KCTD10: variants seen among roughly 807,000 people sequenced by gnomAD.
KCTD10 encodes potassium channel tetramerization domain containing 10, also known as BTB/POZ domain-containing adapter for CUL3-mediated RhoA degradation protein 3.
Under a neutral mutation model 34.6 loss-of-function variants are expected in KCTD10, and 13 were observed. The observed-to-expected ratio is 0.38, with a 90% CI of 0.24 to 0.60. The LOEUF is 0.60. Among genes scored for constraint, KCTD10 ranks in the 20% least tolerant of loss-of-function variants. The probability of loss-of-function intolerance (pLI) is 0.66; values close to 1 mark genes in which losing one functional copy is unlikely to be tolerated. For synonymous variants in KCTD10, 156 were observed against 168.8 expected, an observed-to-expected ratio of 0.92 and a Z score of 0.59; for missense variants, 256 against 420.3, an observed-to-expected ratio of 0.61 and a Z score of 3.42.
intron 1 of KCTD10, chr12:109,470,108 T>C: frequency 9.5e-7 from 1 of 1,052,152 alleles, no homozygotes; most frequent in Non-Finnish European, 1.1e-6. Flanking sequence ...CCTTTCTGCC[T>C]AGCACCTGTA....
rs1873089735 is a variant in KCTD10 at position 109,457,617 on chromosome 12, G to A, written c.527+13C>T. On this transcript the variant is annotated intron_variant, in intron 5 of 6. Coordinates refer to ENST00000228495, the MANE Select transcript of KCTD10 (RefSeq NM_031954.5). Reference sequence around the variant, plus strand: ...CTAGTAAATGGAGCTGTCTTTCCCGGCTGACGCCTTACCTGGTATATGAGT... The same window carrying A: ...CTAGTAAATGGAGCTGTCTTTCCCGACTGACGCCTTACCTGGTATATGAGT... 6.2e-7 allele frequency: 1 copy of A among 1,613,266 alleles called. No individual in the cohort carries two copies. Among genetic ancestry groups the A allele is most frequent in the Non-Finnish European group, 8.5e-7 (1 of 1,179,276 alleles).
At position 109,460,165 on chromosome 12, in the gene KCTD10, G is replaced by A. The variant is rs1873240756; in HGVS notation, c.387+471C>T. On this transcript the variant is annotated intron_variant, in intron 3 of 6. Transcript: ENST00000228495. The surrounding 1 kb of genome is among the most constrained non-coding windows in gnomAD (Gnocchi z 4.5). ...GTTGCAACTTTGTTTGAAATAAAGG[G>A]GTGTTGGCCATGTCTAGAAGCATTT... 6.6e-6 allele frequency among the ~76,000 whole-genome samples: 1 copy of A among 152,202 alleles called. No homozygotes were observed. The highest frequency in any genetic ancestry group is 1.5e-5 in the Non-Finnish European group (1 of 68,032).
chr12:109,455,136 G>C (rs1872954429), intron 6 of KCTD10, among the ~76,000 whole-genome samples: 1 of 152,114 alleles, frequency 6.6e-6, no homozygotes, highest in Admixed American at 6.5e-5. Context: ...CTGCCCCCGG[G>C]ATCTTTGAAA....
chr12:109,452,469 A>G (rs1227781416), intron 6 of KCTD10, among the ~76,000 whole-genome samples: 3 of 152,254 alleles, frequency 2.0e-5, no homozygotes, highest in African/African-American at 7.2e-5. Context: ...ATGAACAGGA[A>G]GAGGGCCACA....
chr12:109,471,520 T>C, intron 1 of KCTD10: 1 of 591,448 alleles, frequency 1.7e-6, no homozygotes, highest in Non-Finnish European at 2.1e-6. Flanking sequence ...TGCTGCCCGA[T>C]GCCAAACACA....
intron 1 of KCTD10, among the ~76,000 whole-genome samples, chr12:109,474,120 G>T (rs1180913698): frequency 6.6e-6 from 1 of 151,946 alleles, no homozygotes; most frequent in African/African-American, 2.4e-5. Context: ...TCTCCACATT[G>T]GTCAGGCTGG....
chr12:109,453,280 A>G (rs1016498191), intron 6 of KCTD10, among the ~76,000 whole-genome samples: 1 of 150,850 alleles, frequency 6.6e-6, no homozygotes, highest in Non-Finnish European at 1.5e-5. Flanking sequence ...GTCTTGAACT[A>G]CTGGGCTTAA....
At chr12:109,455,971 A>G in intron 6 of KCTD10, 147 bp downstream of exon 6, 1 of 819,092 alleles carries the variant, frequency 1.2e-6, no homozygotes, top group Non-Finnish European at 1.9e-6. Context: ...GCAGGGCCTA[A>G]AAGATAAATA....
rs529309891 is a variant in KCTD10 at position 109,455,741 on chromosome 12, G to C, written c.723+377C>G. On this transcript the variant is annotated intron_variant, in intron 6 of 6. Transcript: ENST00000228495. ...AAAGGGCAGGCAAATTCAATTAAGG[G>C]GGGGCCAGATCTCTAGCAGCACTAT... 5.3e-4 allele frequency among the ~76,000 whole-genome samples: 81 copies of C among 152,306 alleles called. 1 individual carries two copies. In the South Asian group the frequency reaches 0.013, roughly 25 times the overall value.
rs760812460 is a variant in KCTD10, at chr12:109,451,860, T to G, written c.724-47A>C. 8 of 1,520,820 alleles carry G rather than the reference T, an allele frequency of 5.3e-6. No individual in the cohort carries two copies. The South Asian group carries it at 1.0e-4, about 19-fold the overall frequency. 94.2% of individuals were successfully genotyped at this position (1,520,820 alleles called of 1,614,324 possible). ...GGCAGGTAAGTTATGGCCCACCCCC[T>G]CTGCCAACACCTGGACTTTAAGCAG... On this transcript the variant is annotated intron_variant, in intron 6 of 6. Coordinates refer to ENST00000228495, the MANE Select transcript of KCTD10 (RefSeq NM_031954.5). The surrounding 1 kb of genome is among the most constrained non-coding windows in gnomAD (Gnocchi z 5.0).
intron 4 of KCTD10, 67 bp downstream of exon 4, chr12:109,457,925 G>T (rs1186798968): frequency 3.0e-6 from 4 of 1,344,092 alleles, no homozygotes; most frequent in Non-Finnish European, 4.3e-6. Context: ...TATTTCAAAA[G>T]TTATTCAGAA....
At chr12:109,471,374 G>T (rs968342467) in intron 1 of KCTD10, 11 of 985,416 alleles carry the variant, frequency 1.1e-5, no homozygotes, top group Non-Finnish European at 1.1e-5. Flanking sequence ...GCCATGTCAG[G>T]GCCCTGCAGA....
intron 1 of KCTD10, among the ~76,000 whole-genome samples, chr12:109,472,184 TA>T (rs1447046861): frequency 6.6e-6 from 1 of 152,220 alleles, no homozygotes; most frequent in Non-Finnish European, 1.5e-5. Context: ...AATTTTTTTT[TA>T]ACTTTTGGAC....
At chr12:109,470,261 T>C in intron 1 of KCTD10, 1 of 985,808 alleles carries the variant, frequency 1.0e-6, no homozygotes, top group Non-Finnish European at 1.2e-6. Flanking sequence ...CTTTATGAAG[T>C]TGAATGGGAT....
chr12:109,468,347 A>G (rs1459587085), intron 2 of KCTD10, among the ~76,000 whole-genome samples: 7 of 152,228 alleles, frequency 4.6e-5, no homozygotes, highest in Non-Finnish European at 7.4e-5. Flanking sequence ...AGGTCCCCCA[A>G]TCCCACCCGC....
At position 109,477,259 on chromosome 12, in the gene KCTD10, C is replaced by T. The variant is rs748196238; in HGVS notation, c.3+1G>A. The T allele has an allele frequency of 2.5e-6, 4 of 1,613,848 alleles. No homozygotes were observed. The highest frequency in any genetic ancestry group is 2.5e-6 in the Non-Finnish European group (3 of 1,179,944). Reference sequence around the variant, plus strand: ...TAGTCCATGGGCACCGCCCTCCCTACCATGAAAAGTCGGAGGACGCAGGAG... The same window carrying T: ...TAGTCCATGGGCACCGCCCTCCCTATCATGAAAAGTCGGAGGACGCAGGAG... On this transcript the variant is annotated splice_donor_variant, in intron 1 of 6. Transcript: ENST00000228495. LOFTEE classifies it high-confidence loss of function.
At chr12:109,458,140 G>C in intron 3 of KCTD10, 62 bp from the exon 4 acceptor site, 1 of 1,352,012 alleles carries the variant, frequency 7.4e-7, no homozygotes, top group East Asian at 2.3e-5. Context: ...TTTTAAAGTT[G>C]ACCGGCTGGA....
rs1330528491 is a variant in KCTD10 at position 109,460,363 on chromosome 12, G to A, written c.387+273C>T. Reference sequence around the variant, plus strand: ...GAACACCGACCAAGTTTCACACCGCGGGGTTCTCTGCTGAAGGGTTGAGAT... The same window carrying A: ...GAACACCGACCAAGTTTCACACCGCAGGGTTCTCTGCTGAAGGGTTGAGAT... On this transcript the variant is annotated intron_variant, in intron 3 of 6. Transcript: ENST00000228495. The surrounding 1 kb of genome is among the most constrained non-coding windows in gnomAD (Gnocchi z 4.5). The A allele has an allele frequency of 1.5e-5, 6 of 400,282 alleles. No individual in the cohort carries two copies. The highest frequency in any genetic ancestry group is 8.1e-5 in the Admixed American group (2 of 24,742). 24.8% of individuals were successfully genotyped at this position (400,282 alleles called of 1,614,324 possible).
intron 2 of KCTD10, chr12:109,464,985 C>T: frequency 8.1e-6 from 3 of 368,502 alleles, no homozygotes; most frequent in South Asian, 6.0e-5. Flanking sequence ...AAGCCATAGC[C>T]CTTGAGATGG....
Sources: gnomAD v4.1 joint callset for allele counts (sites outside exome capture counted in the v4.1 genomes callset) on GRCh38, gnomAD v4.1.1 for gene constraint, Gnocchi (gnomAD v3.1) non-coding constraint, MANE v1.5 for transcripts, NCBI Gene and HGNC (gene_info 2026-07-23, HGNC 2026-07-21) for gene names.